Variants in IMMP2L observed in about 807,000 individuals in gnomAD.
The protein encoded by IMMP2L is mitochondrial inner membrane protease subunit 2.
IMMP2L carries 18 observed loss-of-function variants against 19.3 expected under a neutral mutation model. That is an observed-to-expected ratio of 0.93 (90% CI 0.64 to 1.38). The LOEUF (loss-of-function observed/expected upper bound fraction) is 1.38. Ranked by LOEUF, IMMP2L falls within the 40% of genes most tolerant of loss-of-function variation. IMMP2L has a pLI of 0.00. For synonymous variants in IMMP2L, 76 were observed against 73.0 expected (o/e 1.04, Z -0.21); for missense variants, 233 against 218.2 (o/e 1.07, Z -0.43).
At chr7:111,484,868 T>C (rs10227282) in intron 3 of IMMP2L, among the ~76,000 whole-genome samples, 26,363 of 152,064 alleles carry the variant, frequency 0.17, 4,260 homozygotes, top group African/African-American at 0.43. Context: ...ATTACTGCAG[T>C]CTCGACCTCC....
rs573163354 is a variant in IMMP2L at position 111,426,502 on chromosome 7, G to C, written c.239+60736C>G. 9.3e-4 allele frequency among the ~76,000 whole-genome samples: 140 copies of C among 151,230 alleles called. 3 individuals carry two copies. Among genetic ancestry groups the C allele is most frequent in the Non-Finnish European group, 1.6e-3 (108 of 67,686 alleles). On this transcript the variant is annotated intron_variant, in intron 3 of 5. Transcript: ENST00000405709. Reference sequence around the variant, plus strand: ...CCCAAGAGTGCATACTCAGGGATTAGAAAGGTTTCCCTAGACCAGGATGCA... The same window carrying C: ...CCCAAGAGTGCATACTCAGGGATTACAAAGGTTTCCCTAGACCAGGATGCA...
intron 5 of IMMP2L, among the ~76,000 whole-genome samples, chr7:110,791,561 C>T (rs1285137304): frequency 1.3e-5 from 2 of 151,598 alleles, no homozygotes; most frequent in East Asian, 3.9e-4. Flanking sequence ...GACCAGTAAG[C>T]AAAACAATAT....
intron 3 of IMMP2L, among the ~76,000 whole-genome samples, chr7:111,415,977 A>G (rs1202748533): frequency 1.3e-5 from 2 of 151,844 alleles, no homozygotes; most frequent in African/African-American, 4.9e-5. Flanking sequence ...GATTTGCATA[A>G]TTTTCCTTAA....
intron 5 of IMMP2L, among the ~76,000 whole-genome samples, chr7:110,847,728 C>A (rs566234862): frequency 1.3e-5 from 2 of 152,102 alleles, no homozygotes; most frequent in Non-Finnish European, 2.9e-5. Flanking sequence ...ACAGAACAAA[C>A]TAGTGAGCCC....
intron 5 of IMMP2L, among the ~76,000 whole-genome samples, chr7:110,675,523 C>T (rs757819294): frequency 3.9e-5 from 6 of 152,028 alleles, no homozygotes; most frequent in African/African-American, 7.2e-5. Context: ...TCTAAGTCTC[C>T]GTAATGAGAT....
intron 3 of IMMP2L, among the ~76,000 whole-genome samples, chr7:110,996,187 T>C (rs1823008120): frequency 6.6e-6 from 1 of 152,132 alleles, no homozygotes; most frequent in Non-Finnish European, 1.5e-5. Context: ...TTACAGGGCA[T>C]CTGACCTAGT....
chr7:110,792,836 T>C (rs574175505), intron 5 of IMMP2L, among the ~76,000 whole-genome samples: 77 of 152,144 alleles, frequency 5.1e-4, no homozygotes, highest in African/African-American at 1.8e-3. Flanking sequence ...TCCTCTGTGC[T>C]CCACCTAGTC....
At chr7:111,484,470 T>G (rs1421471090) in intron 3 of IMMP2L, among the ~76,000 whole-genome samples, 1 of 152,198 alleles carries the variant, frequency 6.6e-6, no homozygotes, top group Admixed American at 6.5e-5. Context: ...TGAAGTATAC[T>G]GTTAATATCA....
At chr7:111,298,613 G>A (rs929632904) in intron 3 of IMMP2L, among the ~76,000 whole-genome samples, 11 of 151,864 alleles carry the variant, frequency 7.2e-5, no homozygotes, top group Non-Finnish European at 1.5e-5. Context: ...AAATTTAGCT[G>A]GGCATGGTGG....
chr7:111,268,569 C>CTCTTTTTTTTTT lies in IMMP2L; in HGVS notation c.239+218668_239+218669insAAAAAAAAAAGA, dbSNP rs1818083564. ...GATATGAGTTAAACTTCACATTTCT[C>CTCTTTTTTTTTT]TTTTTTTTTTTTTTTTTTTTTTTTT... On this transcript the variant is annotated intron_variant, in intron 3 of 5. Transcript: ENST00000405709. Among the ~76,000 whole-genome samples the CTCTTTTTTTTTT allele has an allele frequency of 9.0e-5, 4 of 44,592 alleles. 1 individual carries two copies. Among genetic ancestry groups the CTCTTTTTTTTTT allele is most frequent in the African/African-American group, 4.1e-4 (4 of 9,822 alleles). 29.3% of individuals were successfully genotyped at this position (44,592 alleles called of 152,430 possible).
At position 110,924,091 on chromosome 7, in the gene IMMP2L, G is replaced by A. The variant is rs569680373; in HGVS notation, c.306-37396C>T. Among the ~76,000 whole-genome samples the A allele has an allele frequency of 6.6e-6, 1 of 152,282 alleles. No individual in the cohort carries two copies. Among genetic ancestry groups the A allele is most frequent in the African/African-American group, 2.4e-5 (1 of 41,570 alleles). On this transcript the variant is annotated intron_variant, in intron 4 of 5. Coordinates refer to ENST00000405709, the MANE Select transcript of IMMP2L (RefSeq NM_032549.4). The surrounding 1 kb of genome is among the most constrained non-coding windows in gnomAD (Gnocchi z 4.2). ...GAATGATTCCCATGATTATTGAAAA[G>A]TCTGACTTCTACCTAAAATGCTCTT... is the stretch of plus-strand genomic sequence containing the variant.
At chr7:111,525,787 C>T (rs1287371235) in intron 1 of IMMP2L, among the ~76,000 whole-genome samples, 2 of 152,026 alleles carry the variant, frequency 1.3e-5, no homozygotes, top group African/African-American at 4.8e-5. Context: ...TAATTCCATT[C>T]CTCAAACTTT....
chr7:111,355,944 C>T (rs1828655738), intron 3 of IMMP2L, among the ~76,000 whole-genome samples: 1 of 151,856 alleles, frequency 6.6e-6, no homozygotes, highest in African/African-American at 2.4e-5. Context: ...AAAATATTTG[C>T]TTTCATGAGT....
chr7:111,397,338 C>T (rs1235171721), intron 3 of IMMP2L, among the ~76,000 whole-genome samples: 1 of 152,112 alleles, frequency 6.6e-6, no homozygotes, highest in Non-Finnish European at 1.5e-5. Flanking sequence ...AATATTCCAT[C>T]ATTTGTAAAT....
chr7:110,683,348 T>C (rs894739146), intron 5 of IMMP2L, among the ~76,000 whole-genome samples: 6 of 152,106 alleles, frequency 3.9e-5, no homozygotes, highest in African/African-American at 1.4e-4. Flanking sequence ...ATACTTTATA[T>C]AATTTTTAGC....
intron 3 of IMMP2L, among the ~76,000 whole-genome samples, chr7:111,418,399 T>A (rs552539250): frequency 9.9e-5 from 15 of 151,950 alleles, no homozygotes; most frequent in Middle Eastern, 3.4e-3. Context: ...ATCCTAGATG[T>A]ACTGCAATAT....
At chr7:110,747,582 G>A (rs1797435805) in intron 5 of IMMP2L, among the ~76,000 whole-genome samples, 1 of 152,162 alleles carries the variant, frequency 6.6e-6, no homozygotes, top group Non-Finnish European at 1.5e-5. Flanking sequence ...TGGGATGCAA[G>A]GCTGGTTCAA....
intron 3 of IMMP2L, among the ~76,000 whole-genome samples, chr7:111,156,817 G>C (rs2129604726): frequency 6.6e-6 from 1 of 151,954 alleles, no homozygotes; most frequent in South Asian, 2.1e-4. Context: ...CCAGACTGGT[G>C]AAGTCTTCTA....
intron 4 of IMMP2L, among the ~76,000 whole-genome samples, chr7:110,926,092 A>G (rs11975608): frequency 0.015 from 2,271 of 152,136 alleles, 62 homozygotes; most frequent in African/African-American, 0.052. Flanking sequence ...AGAGGCTATG[A>G]TACTAAAACA....
Sources: allele counts gnomAD v4.1 joint callset (sites outside exome capture counted in the v4.1 genomes callset), GRCh38; gene constraint gnomAD v4.1.1; non-coding constraint Gnocchi (gnomAD v3.1); transcripts MANE v1.5; gene names NCBI Gene and HGNC (gene_info 2026-07-23, HGNC 2026-07-21).